The following TAPT1 variants were observed in gnomAD, a reference collection of about 807,000 sequenced individuals.
TAPT1 encodes transmembrane anterior posterior transformation 1.
Under a neutral mutation model 65.6 loss-of-function variants are expected in TAPT1, and 28 were observed. That is an observed-to-expected ratio of 0.43 (90% CI 0.32 to 0.59). The LOEUF (loss-of-function observed/expected upper bound fraction) is 0.59. Ranked by LOEUF, TAPT1 falls within the 20% of genes least tolerant of loss-of-function variation. The pLI is 0.09. For synonymous variants in TAPT1, 278 were observed against 245.2 expected (o/e 1.13, Z -1.25); for missense variants, 563 against 679.9 (o/e 0.83, Z 1.91).
intron 10 of TAPT1, 95 bp from the exon 11 acceptor site, chr4:16,174,367 G>T: frequency 8.9e-7 from 1 of 1,120,806 alleles, no homozygotes; most frequent in Middle Eastern, 2.0e-4. Context: ...GTTCTAAACA[G>T]GTGAGGCTAT....
chr4:16,191,834 A>AT (rs1749392482), intron 3 of TAPT1, among the ~76,000 whole-genome samples: 1 of 152,228 alleles, frequency 6.6e-6, no homozygotes, highest in African/African-American at 2.4e-5. Flanking sequence ...CCATTATGGC[A>AT]TAAGCTTTTA....
intron 11 of TAPT1, among the ~76,000 whole-genome samples, chr4:16,171,450 C>G (rs955191076): frequency 4.1e-4 from 63 of 151,976 alleles, no homozygotes; most frequent in African/African-American, 1.4e-3. Context: ...GTTACAAGTG[C>G]TGCTATGCCC....
chr4:16,194,436 T>C (rs1303210121), intron 3 of TAPT1, among the ~76,000 whole-genome samples: 1 of 152,212 alleles, frequency 6.6e-6, no homozygotes, highest in Non-Finnish European at 1.5e-5. Context: ...CTTGGCAACC[T>C]GGCTCCAGAA....
chr4:16,167,490 C>T (rs1353657274), intron 12 of TAPT1, among the ~76,000 whole-genome samples: 1 of 152,146 alleles, frequency 6.6e-6, no homozygotes, highest in Non-Finnish European at 1.5e-5. Context: ...GTCGCTTTCT[C>T]TGAGTACACC....
intron 3 of TAPT1, among the ~76,000 whole-genome samples, chr4:16,199,596 AT>A (rs942641681): frequency 4.2e-4 from 62 of 147,626 alleles, no homozygotes; most frequent in East Asian, 2.9e-3. Context: ...CACTTTAAGA[AT>A]TTTTTTTTTT....
chr4:16,201,941 A>G (rs996281087), intron 3 of TAPT1, among the ~76,000 whole-genome samples: 2 of 151,924 alleles, frequency 1.3e-5, no homozygotes, highest in Non-Finnish European at 2.9e-5. Context: ...GAGTTTTTCC[A>G]CTCTCACAAA....
chr4:16,178,125 T>C (rs1191999844), intron 8 of TAPT1, among the ~76,000 whole-genome samples: 2 of 152,180 alleles, frequency 1.3e-5, no homozygotes, highest in Admixed American at 6.5e-5. Flanking sequence ...CTGCCCTTCA[T>C]GGACACCCTG....
At chr4:16,173,334 T>C (rs1304303872) in intron 11 of TAPT1, among the ~76,000 whole-genome samples, 1 of 152,198 alleles carries the variant, frequency 6.6e-6, no homozygotes, top group African/African-American at 2.4e-5. Flanking sequence ...TTGTGGGCAA[T>C]TCATTAAAAT....
rs1268253275 is a variant in TAPT1 at position 16,163,171 on chromosome 4, A to C, written c.*137T>G. 1.4e-6 allele frequency: 1 copy of C among 709,920 alleles called. No individual in the cohort carries two copies. Among genetic ancestry groups the C allele is most frequent in the East Asian group, 2.7e-5 (1 of 36,774 alleles). 44.0% of individuals were successfully genotyped at this position (709,920 alleles called of 1,614,324 possible). On this transcript the variant is annotated 3_prime_UTR_variant, in exon 14 of 14. Transcript: ENST00000405303. ...GCCAGGCCATATTACTGGAAGAAAG[A>C]TACTAAGATTTGCTTGCCAATAATA...
intron 2 of TAPT1, among the ~76,000 whole-genome samples, chr4:16,202,915 T>C (rs1398776413): frequency 6.6e-6 from 1 of 152,208 alleles, no homozygotes; most frequent in East Asian, 1.9e-4. Context: ...TTCCTGTTTA[T>C]TAGAATGCTT....
intron 3 of TAPT1, among the ~76,000 whole-genome samples, chr4:16,196,110 CTTTTA>C (rs921798175): frequency 3.3e-5 from 5 of 152,036 alleles, no homozygotes; most frequent in African/African-American, 1.2e-4. Flanking sequence ...AAGTGAAATC[CTTTTA>C]TAATTTAAGT....
rs1751476929 is a variant in TAPT1, at chr4:16,225,215, G to A, written c.199+1044C>T. Among the ~76,000 whole-genome samples, 5 of 152,156 alleles carry A rather than the reference G, an allele frequency of 3.3e-5. No individual in the cohort carries two copies. In the South Asian group the frequency reaches 1.0e-3, roughly 31 times the overall value. On this transcript the variant is annotated intron_variant, in intron 1 of 13. Transcript: ENST00000405303. ...CAAATAGAACCTACGTCCAGTTCTG[G>A]GAATCAGCAAATCAATTAGAATCGC...
chr4:16,177,059 A>T (rs1462606883), intron 8 of TAPT1, among the ~76,000 whole-genome samples: 3 of 152,226 alleles, frequency 2.0e-5, no homozygotes, highest in African/African-American at 7.2e-5. Flanking sequence ...TTCAAATAAG[A>T]CCTAGTGATA....
intron 12 of TAPT1, among the ~76,000 whole-genome samples, chr4:16,167,795 G>A (rs1010166743): frequency 6.6e-6 from 1 of 152,160 alleles, no homozygotes; most frequent in Non-Finnish European, 1.5e-5. Flanking sequence ...ATCAGTTAAT[G>A]TTCCTCAGTG....
intron 5 of TAPT1, 50 bp from the exon 6 acceptor site, chr4:16,186,928 G>T: frequency 1.0e-6 from 1 of 991,532 alleles, no homozygotes; most frequent in Non-Finnish European, 1.6e-6. Flanking sequence ...TATTATTACT[G>T]ATAATACTAT....
At chr4:16,224,440 A>G (rs1202524122) in intron 1 of TAPT1, among the ~76,000 whole-genome samples, 1 of 152,138 alleles carries the variant, frequency 6.6e-6, no homozygotes, top group East Asian at 1.9e-4. Flanking sequence ...AGGGGAAAAG[A>G]AGGAGGGGCT....
chr4:16,189,026 G>C (rs12506249), intron 4 of TAPT1, among the ~76,000 whole-genome samples: 54,010 of 152,018 alleles, frequency 0.36, 10,050 homozygotes, highest in Middle Eastern at 0.53. Flanking sequence ...TATATCATTT[G>C]ACCTACTCAT....
At chr4:16,214,955 T>C (rs1750850344) in intron 1 of TAPT1, among the ~76,000 whole-genome samples, 1 of 152,168 alleles carries the variant, frequency 6.6e-6, no homozygotes, top group Admixed American at 6.5e-5. Flanking sequence ...CTAGGAGTAC[T>C]ATGATCTAAA....
At position 16,166,991 on chromosome 4, in the gene TAPT1, C is replaced by CTTT. The variant is rs5856341; in HGVS notation, c.1314-201_1314-199dup. 0.015 allele frequency: 2,379 copies of CTTT among 159,952 alleles called. 38 individuals carry two copies. Among genetic ancestry groups the CTTT allele is most frequent in the South Asian group, 0.028 (301 of 10,826 alleles). The allele number at this position is 159,952 out of a possible 1,614,324, so 9.9% of individuals were successfully genotyped here. A position where few individuals can be genotyped will look rare whatever the true frequency, so the allele number is the denominator to read the frequency against. ...AAAAACTTCGGAATTCCTTAGTTCT[C>CTTT]TTTTTTTTTTTTTTTTTTTTTGAGA... On this transcript the variant is annotated intron_variant, in intron 12 of 13. Transcript: ENST00000405303.
Sources: allele counts gnomAD v4.1 joint callset (sites outside exome capture counted in the v4.1 genomes callset), GRCh38; gene constraint gnomAD v4.1.1; transcripts MANE v1.5; gene names NCBI Gene and HGNC (gene_info 2026-07-23, HGNC 2026-07-21).